Variants in DPP6 observed in about 807,000 individuals in gnomAD.
DPP6 encodes the protein A-type potassium channel modulatory protein DPP6.
A neutral mutation model predicts 122.6 loss-of-function variants in DPP6; 69 were observed. The ratio of observed to expected loss-of-function variants is 0.56; its 90% confidence interval spans 0.46 to 0.69. The LOEUF is 0.69. Ranked by LOEUF, DPP6 falls within the 30% of genes least tolerant of loss-of-function variation. The pLI, the probability that DPP6 is intolerant of heterozygous loss-of-function variation, is 0.00. For missense variants in DPP6, 928 were observed against 1,116.9 expected (o/e 0.83, Z 2.41); for synonymous variants, 418 against 433.1 (o/e 0.97, Z 0.43).
At chr7:154,223,791 A>G (rs1800439374) in intron 1 of DPP6, among the ~76,000 whole-genome samples, 1 of 148,816 alleles carries the variant, frequency 6.7e-6, no homozygotes. Context: ...AGTGAGGACA[A>G]CTTCACATTT....
intron 1 of DPP6, among the ~76,000 whole-genome samples, chr7:154,360,000 GAA>G (rs1222585667): frequency 2.6e-5 from 4 of 152,174 alleles, no homozygotes; most frequent in Non-Finnish European, 2.9e-5. Context: ...GCATGCAGGG[GAA>G]ATTTTGCTTT....
intron 2 of DPP6, among the ~76,000 whole-genome samples, chr7:154,471,733 C>T (rs539943015): frequency 6.6e-6 from 1 of 152,164 alleles, no homozygotes; most frequent in South Asian, 2.1e-4. Context: ...ACCAACCCAA[C>T]ACACATGAAA....
At chr7:154,252,497 T>G (rs1243687135) in intron 1 of DPP6, among the ~76,000 whole-genome samples, 4 of 152,216 alleles carry the variant, frequency 2.6e-5, no homozygotes, top group Admixed American at 2.6e-4. Context: ...TGTACTGTCT[T>G]ATTTCTCACC....
At chr7:154,852,869 G>A (rs1802521243) in intron 16 of DPP6, among the ~76,000 whole-genome samples, 2 of 133,378 alleles carry the variant, frequency 1.5e-5, no homozygotes, top group African/African-American at 5.8e-5. Context: ...GTTGGAGATG[G>A]CATTTGAGTA....
chr7:154,154,249 G>C lies in DPP6; in HGVS notation c.243+101186G>C, dbSNP rs200194094. On this transcript the variant is annotated intron_variant, in intron 1 of 25. Coordinates refer to ENST00000377770, the MANE Select transcript of DPP6 (RefSeq NM_130797.4). ...TCGCTGGGATATTTTCACTGAAATC[G>C]TTTTGAACTGAGAACCAGGGCCATT... Among the ~76,000 whole-genome samples the C allele has an allele frequency of 3.3e-5, 5 of 152,204 alleles. No individual in the cohort carries two copies. In the East Asian group the frequency reaches 9.6e-4, roughly 29 times the overall value.
Position 153,926,193 on chromosome 7 carries a change from G to C in DPP6, c.51+38459G>C, listed in dbSNP as rs1032456823. ...TCCATCCTTATCTCATCTGTTACCT[G>C]TCACCGATCATGTACACCTTTCTAT... On this transcript the variant is annotated intron_variant, in intron 1 of 25. Coordinates refer to the DPP6 transcript ENST00000404039. Among the ~76,000 whole-genome samples, 14 of 152,272 alleles carry C rather than the reference G, an allele frequency of 9.2e-5. No individual in the cohort carries two copies. The East Asian group carries it at 2.7e-3, about 29-fold the overall frequency.
At chr7:154,319,599 A>G (rs962141495) in intron 1 of DPP6, among the ~76,000 whole-genome samples, 1 of 151,458 alleles carries the variant, frequency 6.6e-6, no homozygotes, top group African/African-American at 2.4e-5. Flanking sequence ...GGAGGCTGAC[A>G]TGGGAGAATC....
At chr7:154,593,756 T>C (rs1476279074) in intron 5 of DPP6, among the ~76,000 whole-genome samples, 2 of 152,180 alleles carry the variant, frequency 1.3e-5, no homozygotes, top group Non-Finnish European at 2.9e-5. Context: ...GGCTCTGTTC[T>C]AGGCACTCGG....
chr7:154,861,291 T>C (rs1584920295), intron 17 of DPP6, among the ~76,000 whole-genome samples: 1 of 152,244 alleles, frequency 6.6e-6, no homozygotes, highest in African/African-American at 2.4e-5. Flanking sequence ...TTTTAAGTTG[T>C]CACCTAAAGT....
chr7:153,949,017 TATATAAAACAG>T (rs948832013), intron 1 of DPP6, among the ~76,000 whole-genome samples: 3 of 152,162 alleles, frequency 2.0e-5, no homozygotes, highest in Non-Finnish European at 2.9e-5. Flanking sequence ...AAAATGGATA[TATATAAAACAG>T]ATTAATAGAC....
chr7:153,992,704 C>G (rs1005705975), intron 1 of DPP6, among the ~76,000 whole-genome samples: 6 of 152,232 alleles, frequency 3.9e-5, no homozygotes, highest in Admixed American at 1.3e-4. Flanking sequence ...CCTTTATGCT[C>G]TAATTATTCC....
At chr7:153,868,436 C>T in the DPP6 span, among the ~76,000 whole-genome samples, 4 of 152,108 alleles carry the variant, frequency 2.6e-5, no homozygotes, top group Admixed American at 6.5e-5. Context: ...AGTTTATTTG[C>T]GTAGAGGTGT....
In DPP6 at chr7:154,645,333, G is replaced by T. The variant is rs371451787; in HGVS notation, c.680+7460G>T. On this transcript the variant is annotated intron_variant, in intron 6 of 25. Coordinates refer to ENST00000377770, the MANE Select transcript of DPP6 (RefSeq NM_130797.4). The stretch of plus-strand genomic sequence containing the variant: ...GCCCGCCTCGGCCTCCCAAAGTGCT[G>T]GGATTACAGGCGTGAGCCACTGCGC... Among the ~76,000 whole-genome samples, 62 of 152,180 alleles carry T rather than the reference G, an allele frequency of 4.1e-4. No individual in the cohort carries two copies. In the South Asian group the frequency reaches 0.012, roughly 30 times the overall value.
At chr7:154,313,725 G>GA (rs1807164181) in intron 1 of DPP6, among the ~76,000 whole-genome samples, 1 of 38,450 alleles carries the variant, frequency 2.6e-5, no homozygotes, top group Non-Finnish European at 6.8e-5. Context: ...ACACACACAC[G>GA]CACGCACACA....
chr7:153,857,548 C>A, the DPP6 span, among the ~76,000 whole-genome samples: 1 of 152,020 alleles, frequency 6.6e-6, no homozygotes, highest in Non-Finnish European at 1.5e-5. Flanking sequence ...ATTCTTTTAC[C>A]GGAGAAGGTT....
Position 154,581,006 on chromosome 7 carries a change from G to A in DPP6, c.627+14090G>A, listed in dbSNP as rs138577072. ...GACCTCAGATCCAAATTTAGAAACA[G>A]CCTCTGTTCCCTCCGCTCCCAGACT... is the stretch of plus-strand genomic sequence containing the variant. On this transcript the variant is annotated intron_variant, in intron 5 of 25. Transcript: ENST00000377770. 8.5e-5 allele frequency among the ~76,000 whole-genome samples: 13 copies of A among 152,232 alleles called. No homozygotes were observed. The East Asian group carries it at 2.5e-3, about 29-fold the overall frequency.
At chr7:154,013,389 G>A (rs1798240566) in intron 1 of DPP6, among the ~76,000 whole-genome samples, 1 of 151,150 alleles carries the variant, frequency 6.6e-6, no homozygotes, top group African/African-American at 2.4e-5. Context: ...AGAAGCCCAA[G>A]GTAAATAATA....
At chr7:154,839,840 C>T (rs1033664832) in intron 16 of DPP6, among the ~76,000 whole-genome samples, 10 of 152,058 alleles carry the variant, frequency 6.6e-5, no homozygotes, top group African/African-American at 2.4e-4. Flanking sequence ...TATTTCACGT[C>T]AAGAGTTTAA....
chr7:154,778,142 G>A (rs1045708069), intron 10 of DPP6, among the ~76,000 whole-genome samples: 7 of 152,098 alleles, frequency 4.6e-5, no homozygotes, highest in Non-Finnish European at 8.8e-5. Flanking sequence ...GTATGTGCGC[G>A]CTTACTTTAC....
Sources: allele counts gnomAD v4.1 joint callset (sites outside exome capture counted in the v4.1 genomes callset), GRCh38; gene constraint gnomAD v4.1.1; transcripts MANE v1.5; gene names NCBI Gene and HGNC (gene_info 2026-07-23, HGNC 2026-07-21).